RGS22: variants seen among roughly 807,000 people sequenced by gnomAD.
RGS22 encodes the protein regulator of G-protein signaling 22.
In RGS22, 148 loss-of-function variants were observed where a neutral mutation model predicts 172.9. The ratio of observed to expected loss-of-function variants is 0.86; its 90% CI spans 0.75 to 0.98. The LOEUF is 0.98. RGS22 is among the 50% of genes least tolerant of loss of function. RGS22 has a pLI of 0.00. For missense variants in RGS22, 1,347 were observed against 1,440.8 expected (o/e 0.93, Z 1.05); for synonymous variants, 458 against 480.2 (o/e 0.95, Z 0.60).
intron 14 of RGS22, among the ~76,000 whole-genome samples, chr8:100,035,801 C>T (rs112762544): frequency 6.6e-6 from 1 of 152,184 alleles, no homozygotes; most frequent in African/African-American, 2.4e-5. Context: ...AGTTCATGTC[C>T]TTTGCAGGGA....
At chr8:100,017,583 ATAAC>A (rs1817137588) in intron 14 of RGS22, among the ~76,000 whole-genome samples, 1 of 152,206 alleles carries the variant, frequency 6.6e-6, no homozygotes. Flanking sequence ...CTGTAAGTGG[ATAAC>A]TAACAACTGA....
chr8:99,993,628 C>T (rs1011362713), intron 20 of RGS22, among the ~76,000 whole-genome samples: 12 of 152,052 alleles, frequency 7.9e-5, no homozygotes, highest in African/African-American at 2.4e-4. Context: ...AATTAATAGC[C>T]TACCAACCAA....
At position 100,047,505 on chromosome 8, in the gene RGS22, A is replaced by C; in HGVS notation, c.1781T>G (p.Leu594Arg). 6.2e-7 allele frequency: 1 copy of C among 1,611,708 alleles called. No individual in the cohort carries two copies. Among genetic ancestry groups the C allele is most frequent in the South Asian group, 1.1e-5 (1 of 90,368 alleles). ...ATCCTTAGAAGAACCTGGATACAAAAGCTCCCGCTTCCAAGGCTTTTGAGT... is the reference window on the plus strand; with the variant it reads ...ATCCTTAGAAGAACCTGGATACAAACGCTCCCGCTTCCAAGGCTTTTGAGT... ...TATQKPWKRE[L>R]LYPGSSKDDV... The change falls in exon 11 of 28, where the codon CTT (leucine) becomes CGT (arginine). Residue 594 changes from leucine to arginine, a missense_variant. Physicochemically the swap from Leu to Arg is moderately radical, Grantham distance 102 (BLOSUM62 -2). Coordinates refer to ENST00000360863, the MANE Select transcript of RGS22 (RefSeq NM_015668.5).
At chr8:99,981,257 G>T (rs1008779030) in intron 22 of RGS22, among the ~76,000 whole-genome samples, 1 of 152,108 alleles carries the variant, frequency 6.6e-6, no homozygotes, top group Non-Finnish European at 1.5e-5. Flanking sequence ...ACTTGAGCAG[G>T]TTAACAGGCA....
At chr8:100,013,151 A>G (rs1019053448) in intron 14 of RGS22, among the ~76,000 whole-genome samples, 6 of 151,886 alleles carry the variant, frequency 4.0e-5, no homozygotes, top group Non-Finnish European at 7.4e-5. Context: ...CACCACGCCC[A>G]GCTAATTTTT....
intron 12 of RGS22, 103 bp from the exon 13 acceptor site, chr8:100,040,190 C>T: frequency 1.0e-6 from 1 of 996,840 alleles, no homozygotes; most frequent in Non-Finnish European, 1.5e-6. Flanking sequence ...TGTCATTTTC[C>T]CACTGGACTA....
Position 99,977,971 on chromosome 8 carries a change from TTCTTG to T in RGS22, c.3460_3464del (p.Gln1154IlefsTer2). On this transcript the variant is annotated frameshift_variant, in exon 23 of 28. Transcript: ENST00000360863. LOFTEE classifies it high-confidence loss of function. ...CCAATTTTTTTTTCTGCTTATTATA[TTCTTG>T]TCTTCTCTCTAAAACACTCATAATA... 6.4e-7 allele frequency: 1 copy of T among 1,564,450 alleles called. No homozygotes were observed. Among genetic ancestry groups the T allele is most frequent in the Non-Finnish European group, 8.6e-7 (1 of 1,163,254 alleles).
intron 14 of RGS22, among the ~76,000 whole-genome samples, chr8:100,034,401 C>T (rs1373676871): frequency 1.3e-5 from 2 of 152,134 alleles, no homozygotes; most frequent in African/African-American, 4.8e-5. Context: ...AGGAATCCAA[C>T]TTACAAGGGA....
At chr8:100,050,147 C>T (rs1821130810) in intron 10 of RGS22, among the ~76,000 whole-genome samples, 1 of 152,114 alleles carries the variant, frequency 6.6e-6, no homozygotes, top group Non-Finnish European at 1.5e-5. Context: ...CCAGGAATCT[C>T]TATTTTAACA....
chr8:100,049,531 C>T (rs1215041035), intron 10 of RGS22, among the ~76,000 whole-genome samples: 1 of 152,186 alleles, frequency 6.6e-6, no homozygotes, highest in Non-Finnish European at 1.5e-5. Context: ...TGGCATTGTT[C>T]TCTTATTCGA....
intron 9 of RGS22, among the ~76,000 whole-genome samples, chr8:100,058,171 C>T (rs1366915153): frequency 3.6e-5 from 2 of 56,082 alleles, no homozygotes; most frequent in African/African-American, 9.9e-5. Context: ...ACAGAGGAGA[C>T]AAAAAAAAAA....
intron 14 of RGS22, among the ~76,000 whole-genome samples, chr8:100,027,077 T>TG (rs1161929168): frequency 2.0e-5 from 3 of 151,940 alleles, no homozygotes; most frequent in Non-Finnish European, 4.4e-5. Context: ...AAACATTAGC[T>TG]GGGGCTGGTG....
intron 18 of RGS22, among the ~76,000 whole-genome samples, chr8:100,001,983 T>C (rs1204113905): frequency 6.6e-6 from 1 of 152,202 alleles, no homozygotes; most frequent in Non-Finnish European, 1.5e-5. Flanking sequence ...TATAAACTAC[T>C]TTTTAGAGTA....
At chr8:99,982,239 G>T in intron 21 of RGS22, 123 bp from the exon 22 acceptor site, 1 of 702,390 alleles carries the variant, frequency 1.4e-6, no homozygotes, top group East Asian at 3.2e-5. Flanking sequence ...AAGGCAGTGG[G>T]ATATTTCAAG....
intron 18 of RGS22, among the ~76,000 whole-genome samples, chr8:100,000,332 TA>T (rs1814901097): frequency 6.6e-6 from 1 of 152,022 alleles, no homozygotes; most frequent in Admixed American, 6.5e-5. Context: ...AGTTCTCCTT[TA>T]ATAATATCAT....
chr8:100,023,592 C>A (rs1476124148), intron 14 of RGS22, among the ~76,000 whole-genome samples: 1 of 152,080 alleles, frequency 6.6e-6, no homozygotes, highest in Non-Finnish European at 1.5e-5. Context: ...GGCCACCACA[C>A]CTGGCTAATT....
chr8:100,089,936 A>T (rs575690520), intron 3 of RGS22, among the ~76,000 whole-genome samples: 2 of 152,258 alleles, frequency 1.3e-5, no homozygotes, highest in East Asian at 3.9e-4. Context: ...GCATGACCTA[A>T]TACTGGAACT....
chr8:99,995,376 G>A (rs1288026529), intron 20 of RGS22, among the ~76,000 whole-genome samples: 1 of 152,144 alleles, frequency 6.6e-6, no homozygotes, highest in Non-Finnish European at 1.5e-5. Context: ...ATCTGACAAA[G>A]GGTTAATATC....
intron 3 of RGS22, 126 bp downstream of exon 3, chr8:100,093,321 A>C: frequency 1.7e-6 from 1 of 583,296 alleles, no homozygotes; most frequent in Non-Finnish European, 3.1e-6. Context: ...TAAAACCTTT[A>C]CCTAAATGCT....
Sources: gnomAD v4.1 joint callset for allele counts (sites outside exome capture counted in the v4.1 genomes callset) on GRCh38, gnomAD v4.1.1 for gene constraint, MANE v1.5 for transcripts, NCBI Gene and HGNC (gene_info 2026-07-23, HGNC 2026-07-21) for gene names.